SLC25A16: variants seen among roughly 807,000 people sequenced by gnomAD.
SLC25A16 encodes the protein mitochondrial coenzyme A transporter SLC25A16.
A neutral mutation model predicts 41.5 loss-of-function variants in SLC25A16; 39 were observed. The observed-to-expected ratio is 0.94, with a 90% CI of 0.73 to 1.23. SLC25A16 has a LOEUF of 1.23. Among genes scored for constraint, SLC25A16 ranks in the 50% most tolerant of loss-of-function variants. The probability of loss-of-function intolerance (pLI) is 0.00; values close to 1 mark genes in which losing one functional copy is unlikely to be tolerated. For missense variants in SLC25A16, 421 were observed against 426.9 expected (o/e 0.99, Z 0.12); for synonymous variants, 146 against 147.8 (o/e 0.99, Z 0.09).
rs191353993 is a variant in SLC25A16, at chr10:68,481,981, A to C, written c.*1451T>G. 939 of 144,416 alleles carry C rather than the reference A, an allele frequency of 6.5e-3. 6 individuals carry two copies. Among genetic ancestry groups the C allele is most frequent in the Admixed American group, 0.016 (237 of 14,386 alleles). The allele number at this position is 144,416 out of a possible 1,614,324, so 8.9% of individuals were successfully genotyped here. The stretch of plus-strand genomic sequence containing the variant: ...GTAATCTCAGCACTTTGGGAGACCA[A>C]GGTGGGCAGATCATGAGGTTCAGGA... On this transcript the variant is annotated 3_prime_UTR_variant, in exon 9 of 9. Coordinates refer to ENST00000609923, the MANE Select transcript of SLC25A16 (RefSeq NM_152707.4).
At chr10:68,498,300 TA>T (rs1300539395) in intron 4 of SLC25A16, among the ~76,000 whole-genome samples, 1 of 151,836 alleles carries the variant, frequency 6.6e-6, no homozygotes, top group Non-Finnish European at 1.5e-5. Flanking sequence ...TCAAGGGAGA[TA>T]TTTTTTTATT....
chr10:68,521,695 G>A lies in SLC25A16; in HGVS notation c.131-4852C>T, dbSNP rs1007348867. 8.2e-5 allele frequency among the ~76,000 whole-genome samples: 12 copies of A among 145,892 alleles called. No individual in the cohort carries two copies. The East Asian group carries it at 1.7e-3, about 20-fold the overall frequency. On this transcript the variant is annotated intron_variant, in intron 1 of 8. Transcript: ENST00000609923. ...TGCAAGCTCCGCCTCCCGGGTTCAC[G>A]CCATTCTCCTGCCTCAGCCTCCCAA...
chr10:68,478,686 CTATT>C lies in SLC25A16; in HGVS notation c.*4742_*4745del, dbSNP rs930791637. 6.6e-6 allele frequency: 1 copy of C among 150,906 alleles called. No homozygotes were observed. The highest frequency in any genetic ancestry group is 2.1e-4 in the South Asian group (1 of 4,798). The allele number at this position is 150,906 out of a possible 1,614,324, so 9.3% of individuals were successfully genotyped here. On this transcript the variant is annotated 3_prime_UTR_variant, in exon 9 of 9. Coordinates refer to ENST00000609923, the MANE Select transcript of SLC25A16 (RefSeq NM_152707.4). ...GAGTCACTTCACCCAGCCATAAAAA[CTATT>C]TATAAGTTTTATTTTATATATATAT...
In SLC25A16 at chr10:68,478,739, T is replaced by A. The variant is rs1246717710; in HGVS notation, c.*4693A>T. On this transcript the variant is annotated 3_prime_UTR_variant, in exon 9 of 9. Coordinates refer to ENST00000609923, the MANE Select transcript of SLC25A16 (RefSeq NM_152707.4). ...ATATGATATGTATACATATATTTTT[T>A]ATTTTATATATTCATTTATTTTTAT... The A allele has an allele frequency of 6.6e-6, 1 of 150,460 alleles. No homozygotes were observed. Among genetic ancestry groups the A allele is most frequent in the Non-Finnish European group, 1.5e-5 (1 of 67,694 alleles). The allele number at this position is 150,460 out of a possible 1,614,324, so 9.3% of individuals were successfully genotyped here.
intron 1 of SLC25A16, chr10:68,517,329 T>C: frequency 1.3e-6 from 1 of 797,536 alleles, no homozygotes; most frequent in Non-Finnish European, 1.5e-6. Flanking sequence ...ATTTATACAT[T>C]CAGCAAATAT....
chr10:68,484,239 TTATAGCTCAAGTTG>T (rs2052523704), intron 8 of SLC25A16, among the ~76,000 whole-genome samples: 2 of 152,146 alleles, frequency 1.3e-5, no homozygotes, highest in Non-Finnish European at 2.9e-5. Flanking sequence ...TAAGCCTTTA[TTATAGCTCAAGTTG>T]TATAGTATCA....
chr10:68,503,859 T>A (rs1023857315), intron 3 of SLC25A16, among the ~76,000 whole-genome samples, 164 bp from the exon 4 acceptor site: 2 of 152,164 alleles, frequency 1.3e-5, no homozygotes, highest in African/African-American at 4.8e-5. Flanking sequence ...GGCAGTGTTA[T>A]ATCACAGCAG....
intron 2 of SLC25A16, among the ~76,000 whole-genome samples, chr10:68,509,815 AGGCGCGGTG>A (rs1252372394): frequency 2.6e-5 from 4 of 151,684 alleles, no homozygotes; most frequent in African/African-American, 9.7e-5. Flanking sequence ...GACAAAGGCC[AGGCGCGGTG>A]ACTCATGCTT....
At chr10:68,520,936 C>CCTAA in intron 1 of SLC25A16, among the ~76,000 whole-genome samples, 1 of 151,672 alleles carries the variant, frequency 6.6e-6, no homozygotes, top group Non-Finnish European at 1.5e-5. Context: ...GAGATCGAGA[C>CCTAA]CATCCTGGCT....
chr10:68,526,299 G>C (rs1346408049), intron 1 of SLC25A16, among the ~76,000 whole-genome samples: 1 of 152,108 alleles, frequency 6.6e-6, no homozygotes, highest in Non-Finnish European at 1.5e-5. Flanking sequence ...GTAAAGCATT[G>C]AGATGTTTAT....
At position 68,488,632 on chromosome 10, in the gene SLC25A16, G is replaced by GA; in HGVS notation, c.611-4dup. 6.2e-7 allele frequency: 1 copy of GA among 1,610,182 alleles called. No individual in the cohort carries two copies. Among genetic ancestry groups the GA allele is most frequent in the African/African-American group, 1.3e-5 (1 of 74,786 alleles). On this transcript the variant is annotated splice_region_variant and splice_polypyrimidine_tract_variant and intron_variant, in intron 6 of 8. Transcript: ENST00000609923. ...ACCAAAAGTAAAAAATGAAACACCTGAAAAACAAAAAATAAATTCACCATG... is the reference window on the plus strand; with the variant it reads ...ACCAAAAGTAAAAAATGAAACACCTGAAAAAACAAAAAATAAATTCACCATG...
chr10:68,496,704 G>A lies in SLC25A16; in HGVS notation c.422-3134C>T, dbSNP rs1399727732. On this transcript the variant is annotated intron_variant, in intron 4 of 8. Coordinates refer to ENST00000609923, the MANE Select transcript of SLC25A16 (RefSeq NM_152707.4). Reference sequence around the variant, plus strand: ...ACAGTCTAGAATCCCAGGAGTTATGGGAAACCTGAGAACATATTTTAACCA... The same window carrying A: ...ACAGTCTAGAATCCCAGGAGTTATGAGAAACCTGAGAACATATTTTAACCA... 3.2e-6 allele frequency: 3 copies of A among 950,298 alleles called. No homozygotes were observed. The African/African-American group carries it at 5.3e-5, about 17-fold the overall frequency. 58.9% of individuals were successfully genotyped at this position (950,298 alleles called of 1,614,324 possible).
chr10:68,499,624 T>G (rs2052807291), intron 4 of SLC25A16: 1 of 340,216 alleles, frequency 2.9e-6, no homozygotes, highest in Non-Finnish European at 5.8e-6. Context: ...AGATTATGTC[T>G]TCCCCTCTTT....
intron 6 of SLC25A16, among the ~76,000 whole-genome samples, chr10:68,491,297 G>A (rs1291314673): frequency 2.0e-5 from 3 of 151,644 alleles, no homozygotes; most frequent in Non-Finnish European, 4.4e-5. Context: ...TGCAATCTTG[G>A]CTCACTGCAA....
chr10:68,511,288 T>G (rs2053058688), intron 2 of SLC25A16, among the ~76,000 whole-genome samples: 1 of 152,164 alleles, frequency 6.6e-6, no homozygotes, highest in South Asian at 2.1e-4. Context: ...ACAGATTTAT[T>G]TTTTTGAGGG....
chr10:68,515,626 C>T (rs2053149022), intron 2 of SLC25A16, among the ~76,000 whole-genome samples: 1 of 151,724 alleles, frequency 6.6e-6, no homozygotes, highest in African/African-American at 2.4e-5. Flanking sequence ...TGGAGAAACC[C>T]CATCTCTACT....
chr10:68,489,542 GA>G (rs2052622160), intron 6 of SLC25A16, among the ~76,000 whole-genome samples: 1 of 151,936 alleles, frequency 6.6e-6, no homozygotes, highest in African/African-American at 2.4e-5. Flanking sequence ...TTCAGGGAGG[GA>G]AAAAAGTAAA....
At chr10:68,515,076 G>A (rs1259927143) in intron 2 of SLC25A16, among the ~76,000 whole-genome samples, 1 of 150,436 alleles carries the variant, frequency 6.6e-6, no homozygotes, top group African/African-American at 2.4e-5. Context: ...AAAGCAAGTG[G>A]CCAGGTGCGG....
intron 1 of SLC25A16, among the ~76,000 whole-genome samples, chr10:68,518,417 A>G (rs2053195878): frequency 6.6e-6 from 1 of 151,930 alleles, no homozygotes; most frequent in African/African-American, 2.4e-5. Flanking sequence ...ATGTCTTAAA[A>G]AAAGAAAAAA....
Sources: allele counts gnomAD v4.1 joint callset (sites outside exome capture counted in the v4.1 genomes callset), GRCh38; gene constraint gnomAD v4.1.1; transcripts MANE v1.5; gene names NCBI Gene and HGNC (gene_info 2026-07-23, HGNC 2026-07-21).